CDK14: variants seen among roughly 807,000 people sequenced by gnomAD.
CDK14 encodes the protein cyclin-dependent kinase 14.
A neutral mutation model predicts 60.7 loss-of-function variants in CDK14; 34 were observed. That is an observed-to-expected ratio of 0.56 (90% CI 0.43 to 0.75). The LOEUF is 0.75. Among genes scored for constraint, CDK14 ranks in the 30% least tolerant of loss-of-function variants. CDK14 has a pLI of 0.00. For missense variants in CDK14, 482 were observed against 564.1 expected (o/e 0.85, Z 1.47); for synonymous variants, 197 against 203.7 (o/e 0.97, Z 0.28).
intron 2 of CDK14, among the ~76,000 whole-genome samples, chr7:90,684,785 C>G (rs1381730510): frequency 6.6e-6 from 1 of 152,122 alleles, no homozygotes; most frequent in Non-Finnish European, 1.5e-5. Context: ...GTCTGTCCGT[C>G]CATCCATCCA....
intron 11 of CDK14, among the ~76,000 whole-genome samples, chr7:91,057,122 C>G (rs1001311999): frequency 1.9e-4 from 29 of 152,244 alleles, no homozygotes; most frequent in African/African-American, 6.7e-4. Flanking sequence ...GAGATGGTAT[C>G]TCATTGTGGT....
chr7:90,969,356 TCTC>T (rs1452294346), intron 9 of CDK14, among the ~76,000 whole-genome samples: 3 of 152,222 alleles, frequency 2.0e-5, no homozygotes, highest in Non-Finnish European at 2.9e-5. Flanking sequence ...AGTTCAGAAT[TCTC>T]CTTATAGTAG....
intron 5 of CDK14, among the ~76,000 whole-genome samples, chr7:90,828,445 C>A (rs1024518747): frequency 2.6e-5 from 4 of 152,212 alleles, no homozygotes; most frequent in African/African-American, 9.6e-5. Flanking sequence ...AATCTGCATT[C>A]TTCTGAATCG....
intron 10 of CDK14, among the ~76,000 whole-genome samples, chr7:90,984,891 A>G (rs993988093): frequency 1.3e-5 from 2 of 152,240 alleles, no homozygotes; most frequent in Admixed American, 6.5e-5. Flanking sequence ...AAAACTGTCA[A>G]GGTCATCAAA....
chr7:91,102,933 A>G (rs919190437), intron 12 of CDK14, among the ~76,000 whole-genome samples: 6 of 152,092 alleles, frequency 3.9e-5, no homozygotes, highest in Non-Finnish European at 8.8e-5. Context: ...CATTTAGCAG[A>G]TGTTGTGTCT....
chr7:91,173,633 G>A (rs1443218895), intron 14 of CDK14, among the ~76,000 whole-genome samples: 1 of 151,988 alleles, frequency 6.6e-6, no homozygotes, highest in African/African-American at 2.4e-5. Flanking sequence ...GCGAGGCATT[G>A]CCTCACTTGG....
chr7:91,081,464 T>G (rs1798482079), intron 12 of CDK14, among the ~76,000 whole-genome samples: 1 of 152,208 alleles, frequency 6.6e-6, no homozygotes, highest in South Asian at 2.1e-4. Context: ...CAAGAACTAA[T>G]TTGAATTCAG....
At chr7:90,821,389 C>T (rs548574035) in intron 5 of CDK14, among the ~76,000 whole-genome samples, 12 of 152,202 alleles carry the variant, frequency 7.9e-5, no homozygotes, top group Non-Finnish European at 1.5e-4. Flanking sequence ...GGCCATTATG[C>T]CCGACCATGC....
chr7:90,766,233 C>T (rs1459303053), intron 4 of CDK14, among the ~76,000 whole-genome samples: 1 of 151,854 alleles, frequency 6.6e-6, no homozygotes, highest in Non-Finnish European at 1.5e-5. Context: ...TACCACTTCT[C>T]TCTTTGTAAT....
chr7:91,170,857 C>T (rs1801495161), intron 14 of CDK14, among the ~76,000 whole-genome samples: 1 of 150,698 alleles, frequency 6.6e-6, no homozygotes, highest in Admixed American at 6.6e-5. Context: ...ACCTCCACCT[C>T]CCGGGTTCAA....
At chr7:90,855,330 A>T (rs1374885623) in intron 5 of CDK14, among the ~76,000 whole-genome samples, 1 of 152,186 alleles carries the variant, frequency 6.6e-6, no homozygotes, top group Non-Finnish European at 1.5e-5. Context: ...AGTTATAATG[A>T]TTCATTATTG....
At chr7:91,043,277 A>G (rs1797139562) in intron 10 of CDK14, among the ~76,000 whole-genome samples, 1 of 152,234 alleles carries the variant, frequency 6.6e-6, no homozygotes, top group Non-Finnish European at 1.5e-5. Flanking sequence ...TATTAGGAGC[A>G]AGAGAACAGG....
chr7:90,617,588 A>G (rs556277603), intron 2 of CDK14, among the ~76,000 whole-genome samples: 2 of 152,304 alleles, frequency 1.3e-5, no homozygotes, highest in East Asian at 3.9e-4. Context: ...AGATTAAATC[A>G]TTATGTTACT....
chr7:90,763,345 A>G (rs1213650416), intron 4 of CDK14, among the ~76,000 whole-genome samples: 1 of 152,146 alleles, frequency 6.6e-6, no homozygotes, highest in Non-Finnish European at 1.5e-5. Flanking sequence ...TGGACCCAGA[A>G]CTGGCACAGT....
At chr7:91,024,288 CA>C (rs1482608294) in intron 10 of CDK14, among the ~76,000 whole-genome samples, 1 of 152,100 alleles carries the variant, frequency 6.6e-6, no homozygotes, top group African/African-American at 2.4e-5. Flanking sequence ...CCTGTTTTAT[CA>C]AAGAGGAAAC....
At chr7:91,100,598 G>T (rs867030614) in intron 12 of CDK14, among the ~76,000 whole-genome samples, 2 of 152,122 alleles carry the variant, frequency 1.3e-5, no homozygotes, top group Non-Finnish European at 2.9e-5. Flanking sequence ...ATATTAGTAC[G>T]CAGGAAAGGC....
At chr7:91,170,846 A>C (rs2518780) in intron 14 of CDK14, among the ~76,000 whole-genome samples, 52,381 of 147,236 alleles carry the variant, frequency 0.36, 11,019 homozygotes, top group Non-Finnish European at 0.49. Flanking sequence ...AGCTCACTGC[A>C]ACCTCCACCT....
At chr7:90,968,667 T>C (rs1176366855) in intron 9 of CDK14, among the ~76,000 whole-genome samples, 1 of 152,186 alleles carries the variant, frequency 6.6e-6, no homozygotes, top group African/African-American at 2.4e-5. Context: ...CTTAATATAT[T>C]CATAGCCTAA....
At chr7:91,200,729 A>G (rs1382755511) in intron 14 of CDK14, among the ~76,000 whole-genome samples, 1 of 152,226 alleles carries the variant, frequency 6.6e-6, no homozygotes, top group Non-Finnish European at 1.5e-5. Flanking sequence ...GTGCCCAAGT[A>G]AGGCCCATTT....
Sources: allele counts gnomAD v4.1 joint callset (sites outside exome capture counted in the v4.1 genomes callset), GRCh38; gene constraint gnomAD v4.1.1; transcripts MANE v1.5; gene names NCBI Gene and HGNC (gene_info 2026-07-23, HGNC 2026-07-21).